Variants in SLC24A3 observed in about 807,000 individuals in gnomAD.
The protein encoded by SLC24A3 is solute carrier family 24 member 3.
A neutral mutation model predicts 75.8 loss-of-function variants in SLC24A3; 28 were observed. That is an observed-to-expected ratio of 0.37 (90% CI 0.27 to 0.51). SLC24A3 has a LOEUF of 0.51. Ranked by LOEUF, SLC24A3 falls within the 20% of genes least tolerant of loss-of-function variation. SLC24A3 has a pLI of 0.94. For missense variants in SLC24A3, 663 were observed against 847.8 expected (o/e 0.78, Z 2.71); for synonymous variants, 372 against 334.1 (o/e 1.11, Z -1.24).
intron 1 of SLC24A3, among the ~76,000 whole-genome samples, chr20:19,250,724 TA>T (rs1295756942): frequency 6.6e-6 from 1 of 152,212 alleles, no homozygotes; most frequent in Admixed American, 6.5e-5. Flanking sequence ...TGTGTTTGCT[TA>T]AGAAATCCAA....
rs764961538 is a variant in SLC24A3 at position 19,580,047 on chromosome 20, C to T, written c.396C>T (p.Phe132=). 17 of 1,613,746 alleles carry T rather than the reference C, an allele frequency of 1.1e-5. No homozygotes were observed. The African/African-American group carries it at 1.1e-4, about 10-fold the overall frequency. ...TGGCCATTGTGTGTGATGACTTCTT[C>T]GTCCCTTCCTTGGAAAAGATCTGTG... is the stretch of plus-strand genomic sequence containing the variant. ...YALAIVCDDF[F]VPSLEKICER... is the part of the protein sequence containing the mutation. The change falls in exon 4 of 17, where the codon TTC becomes TTT. Residue 132 remains phenylalanine (F), a synonymous_variant. Transcript: ENST00000328041.
intron 2 of SLC24A3, among the ~76,000 whole-genome samples, chr20:19,359,255 A>T (rs1985743822): frequency 6.6e-6 from 1 of 151,578 alleles, no homozygotes. Flanking sequence ...GTCCCCAATT[A>T]AAAAAAAAGT....
intron 3 of SLC24A3, among the ~76,000 whole-genome samples, chr20:19,578,263 C>T (rs182675819): frequency 6.7e-4 from 101 of 150,748 alleles, no homozygotes; most frequent in Middle Eastern, 3.4e-3. Context: ...TCATTTGGGA[C>T]GTGTGTGTGT....
chr20:19,667,483 G>A (rs1335656286), intron 8 of SLC24A3, among the ~76,000 whole-genome samples: 7 of 152,316 alleles, frequency 4.6e-5, no homozygotes, highest in East Asian at 1.9e-4. Context: ...CCACTGCTCC[G>A]CCTTAGCAAA....
intron 1 of SLC24A3, among the ~76,000 whole-genome samples, chr20:19,230,375 G>T (rs545986204): frequency 3.3e-5 from 5 of 152,118 alleles, no homozygotes; most frequent in Non-Finnish European, 7.4e-5. Context: ...CTTGTAGTTA[G>T]AATACTGAGG....
At chr20:19,705,440 C>T (rs181981107) in intron 15 of SLC24A3, among the ~76,000 whole-genome samples, 11 of 152,250 alleles carry the variant, frequency 7.2e-5, no homozygotes, top group South Asian at 2.1e-4. Flanking sequence ...GAAATGCAGA[C>T]GTTATTTGGA....
chr20:19,486,764 G>T (rs1006853508), intron 2 of SLC24A3, among the ~76,000 whole-genome samples: 2 of 152,240 alleles, frequency 1.3e-5, no homozygotes, highest in Admixed American at 1.3e-4. Flanking sequence ...GATGAGGTAT[G>T]TCTCATGTTG....
chr20:19,223,934 G>A (rs771750782), intron 1 of SLC24A3, among the ~76,000 whole-genome samples: 1 of 152,260 alleles, frequency 6.6e-6, no homozygotes, highest in Non-Finnish European at 1.5e-5. Context: ...AGGCGGGACA[G>A]AGCATGACAA....
intron 2 of SLC24A3, among the ~76,000 whole-genome samples, chr20:19,376,942 C>G (rs1185471256): frequency 6.6e-6 from 1 of 152,114 alleles, no homozygotes; most frequent in Non-Finnish European, 1.5e-5. Context: ...AAAAATAACC[C>G]TGGGTGTTAA....
At position 19,230,486 on chromosome 20, in the gene SLC24A3, T is replaced by C. The variant is rs189210189; in HGVS notation, c.142+17502T>C. Among the ~76,000 whole-genome samples, 252 of 152,340 alleles carry C rather than the reference T, an allele frequency of 1.7e-3. 3 individuals carry two copies. Among genetic ancestry groups the C allele is most frequent in the Non-Finnish European group, 6.5e-4 (44 of 68,028 alleles). ...TCTGCCACCCTGGTTTGATCCCTCC[T>C]GTGGCTCTTTCCATCGCACCTCTTT... On this transcript the variant is annotated intron_variant, in intron 1 of 16. Coordinates refer to ENST00000328041, the MANE Select transcript of SLC24A3 (RefSeq NM_020689.4).
intron 6 of SLC24A3, among the ~76,000 whole-genome samples, chr20:19,589,462 C>T (rs890932338): frequency 6.6e-6 from 1 of 152,166 alleles, no homozygotes; most frequent in African/African-American, 2.4e-5. Context: ...GGAAAACCCC[C>T]AGGCAAAGAG....
At chr20:19,473,726 A>G (rs990981265) in intron 2 of SLC24A3, among the ~76,000 whole-genome samples, 16 of 152,206 alleles carry the variant, frequency 1.1e-4, no homozygotes, top group Non-Finnish European at 8.8e-5. Flanking sequence ...AATGCTGTCC[A>G]CAGAGGGTCT....
In SLC24A3 at chr20:19,610,875, G is replaced by A. The variant is rs73605527; in HGVS notation, c.612+25331G>A. Among the ~76,000 whole-genome samples, 2,006 of 152,288 alleles carry A rather than the reference G, an allele frequency of 0.013. 171 individuals carry two copies. In the East Asian group the frequency reaches 0.25, roughly 19 times the overall value. On this transcript the variant is annotated intron_variant, in intron 6 of 16. Transcript: ENST00000328041. ...GGCCATGTGAGGGCAGAGTGGGCTC[G>A]GGCCACCAGGGCACTTGGACAGAGT...
intron 6 of SLC24A3, among the ~76,000 whole-genome samples, chr20:19,597,547 G>T (rs2031467311): frequency 6.6e-6 from 1 of 152,108 alleles, no homozygotes; most frequent in Non-Finnish European, 1.5e-5. Context: ...GTCACCTCCA[G>T]TATTTATCAT....
chr20:19,692,334 C>T (rs1457920918), intron 12 of SLC24A3, among the ~76,000 whole-genome samples: 5 of 152,170 alleles, frequency 3.3e-5, no homozygotes, highest in Non-Finnish European at 7.3e-5. Context: ...CAACAATGTT[C>T]ATAGTCACCT....
intron 2 of SLC24A3, among the ~76,000 whole-genome samples, chr20:19,450,640 C>G (rs564353324): frequency 3.3e-5 from 5 of 152,240 alleles, no homozygotes; most frequent in African/African-American, 1.2e-4. Context: ...AAAAGGTGCC[C>G]CCTTATGATG....
chr20:19,528,096 T>TA, intron 3 of SLC24A3, among the ~76,000 whole-genome samples: 1 of 152,306 alleles, frequency 6.6e-6, no homozygotes, highest in East Asian at 1.9e-4. Flanking sequence ...GTTTCCCTGA[T>TA]ATTCTAAATC....
chr20:19,643,568 C>G (rs1122345), intron 6 of SLC24A3, among the ~76,000 whole-genome samples: 3,967 of 152,286 alleles, frequency 0.026, 162 homozygotes, highest in African/African-American at 0.09. Context: ...ATTACTGGCT[C>G]TCCTAACACC....
chr20:19,458,170 T>C (rs950256317), intron 2 of SLC24A3, among the ~76,000 whole-genome samples: 2 of 151,736 alleles, frequency 1.3e-5, no homozygotes, highest in Non-Finnish European at 2.9e-5. Context: ...GGCTTCAAGC[T>C]CCCCCCTCAC....
Sources: gnomAD v4.1 joint callset for allele counts (sites outside exome capture counted in the v4.1 genomes callset) on GRCh38, gnomAD v4.1.1 for gene constraint, MANE v1.5 for transcripts, NCBI Gene and HGNC (gene_info 2026-07-23, HGNC 2026-07-21) for gene names.